Variants in IMMP2L observed in about 807,000 individuals in gnomAD.
IMMP2L encodes mitochondrial inner membrane protease subunit 2.
Under a neutral mutation model 19.3 loss-of-function variants are expected in IMMP2L, and 18 were observed. The observed-to-expected ratio is 0.93, with a 90% CI of 0.64 to 1.38. The LOEUF is 1.38. Among genes scored for constraint, IMMP2L ranks in the 40% most tolerant of loss-of-function variants. The probability of loss-of-function intolerance (pLI) is 0.00; values close to 1 mark genes in which losing one functional copy is unlikely to be tolerated. For missense variants in IMMP2L, 233 were observed against 218.2 expected, an observed-to-expected ratio of 1.07 and a Z score of -0.43; for synonymous variants, 76 against 73.0, an observed-to-expected ratio of 1.04 and a Z score of -0.21.
chr7:111,259,343 T>C (rs1159278847), intron 3 of IMMP2L, among the ~76,000 whole-genome samples: 3 of 152,060 alleles, frequency 2.0e-5, no homozygotes, highest in Non-Finnish European at 4.4e-5. Flanking sequence ...TTTTCTTCAA[T>C]AATAAATTAG....
At chr7:111,047,557 G>A (rs186312171) in intron 3 of IMMP2L, among the ~76,000 whole-genome samples, 12 of 152,208 alleles carry the variant, frequency 7.9e-5, no homozygotes, top group African/African-American at 2.9e-4. Flanking sequence ...GCAAACTGTA[G>A]AAGCCTTTTT....
chr7:111,535,938 T>C (rs967029150), intron 1 of IMMP2L, among the ~76,000 whole-genome samples: 2 of 152,082 alleles, frequency 1.3e-5, no homozygotes, highest in Admixed American at 6.5e-5. Context: ...AGAGTAAAGG[T>C]TGATTCTGGG....
chr7:111,371,468 G>T (rs28558721), intron 3 of IMMP2L, among the ~76,000 whole-genome samples: 3,498 of 152,066 alleles, frequency 0.023, 140 homozygotes, highest in African/African-American at 0.08. Flanking sequence ...TTTGGATAAT[G>T]GGGTCACAAG....
intron 3 of IMMP2L, among the ~76,000 whole-genome samples, chr7:111,206,862 C>G (rs570723260): frequency 1.3e-5 from 2 of 152,170 alleles, no homozygotes; most frequent in Non-Finnish European, 1.5e-5. Context: ...TAAGCCTCAT[C>G]AGGGGAGATG....
intron 3 of IMMP2L, among the ~76,000 whole-genome samples, chr7:111,158,568 G>A (rs1413755296): frequency 3.3e-5 from 5 of 152,006 alleles, no homozygotes; most frequent in Admixed American, 6.6e-5. Flanking sequence ...CTAGTTTTTC[G>A]AATCACGGTT....
intron 3 of IMMP2L, among the ~76,000 whole-genome samples, chr7:111,293,938 G>A (rs950462775): frequency 5.3e-5 from 8 of 151,842 alleles, no homozygotes; most frequent in African/African-American, 1.7e-4. Flanking sequence ...CAAGTTAGTA[G>A]GTCATCACTA....
intron 3 of IMMP2L, among the ~76,000 whole-genome samples, chr7:111,096,461 T>C (rs1450129390): frequency 2.6e-5 from 4 of 151,730 alleles, no homozygotes; most frequent in Non-Finnish European, 1.5e-5. Flanking sequence ...ATTAAAATCT[T>C]TATTTCTTAA....
intron 3 of IMMP2L, among the ~76,000 whole-genome samples, chr7:111,327,126 G>A (rs1056862292): frequency 4.6e-5 from 7 of 151,700 alleles, no homozygotes; most frequent in Non-Finnish European, 8.8e-5. Flanking sequence ...ACATGAAATA[G>A]GCCAGTCACA....
intron 1 of IMMP2L, among the ~76,000 whole-genome samples, chr7:111,537,020 A>T (rs1462909370): frequency 6.6e-6 from 1 of 152,110 alleles, no homozygotes; most frequent in Non-Finnish European, 1.5e-5. Flanking sequence ...TTGAATCAAC[A>T]TCTCTTCTTT....
chr7:111,465,219 G>C lies in IMMP2L; in HGVS notation c.239+22019C>G, dbSNP rs1158816732. Among the ~76,000 whole-genome samples, 4 of 152,220 alleles carry C rather than the reference G, an allele frequency of 2.6e-5. No homozygotes were observed. In the East Asian group the frequency reaches 7.7e-4, roughly 29 times the overall value. ...TATGGTGTACATCCTAAGTCCTCAA[G>C]TGTTTTATTTGCTTACGACGTATTT... On this transcript the variant is annotated intron_variant, in intron 3 of 5. Coordinates refer to ENST00000405709, the MANE Select transcript of IMMP2L (RefSeq NM_032549.4).
intron 3 of IMMP2L, among the ~76,000 whole-genome samples, chr7:111,316,002 C>T (rs1329769782): frequency 6.6e-6 from 1 of 152,058 alleles, no homozygotes; most frequent in Non-Finnish European, 1.5e-5. Context: ...GATGGTATGG[C>T]CGACTACCCC....
intron 3 of IMMP2L, among the ~76,000 whole-genome samples, chr7:111,160,624 G>A (rs2129606495): frequency 6.6e-6 from 1 of 151,478 alleles, no homozygotes; most frequent in African/African-American, 2.4e-5. Flanking sequence ...AAATTCATGA[G>A]CTAAGTATGT....
rs532367459 is a variant in IMMP2L at position 111,305,536 on chromosome 7, A to C, written c.239+181702T>G. 8.6e-5 allele frequency among the ~76,000 whole-genome samples: 12 copies of C among 139,368 alleles called. No individual in the cohort carries two copies. In the South Asian group the frequency reaches 2.9e-3, roughly 33 times the overall value. 91.4% of individuals were successfully genotyped at this position (139,368 alleles called of 152,430 possible). On this transcript the variant is annotated intron_variant, in intron 3 of 5. Transcript: ENST00000405709. ...ATACCAGAGGCTGCAGTGCAGTGGC[A>C]CGATCTCAGCTCACTGCAACCTCCG...
intron 3 of IMMP2L, among the ~76,000 whole-genome samples, chr7:111,337,479 TGG>T (rs1331570636): frequency 6.6e-6 from 1 of 151,792 alleles, no homozygotes; most frequent in Non-Finnish European, 1.5e-5. Flanking sequence ...GATGGATGGA[TGG>T]ATGGATGGAT....
intron 5 of IMMP2L, among the ~76,000 whole-genome samples, chr7:110,767,630 T>A (rs1419279305): frequency 6.6e-6 from 1 of 152,192 alleles, no homozygotes; most frequent in Admixed American, 6.6e-5. Context: ...CAATTAATCA[T>A]CACATACCAT....
chr7:111,345,204 T>A (rs1457460755), intron 3 of IMMP2L, among the ~76,000 whole-genome samples: 2 of 152,162 alleles, frequency 1.3e-5, no homozygotes, highest in Non-Finnish European at 2.9e-5. Context: ...AATCTAATAT[T>A]ACTAAATGTG....
At chr7:111,263,027 T>TA (rs1020724406) in intron 3 of IMMP2L, among the ~76,000 whole-genome samples, 3 of 151,798 alleles carry the variant, frequency 2.0e-5, no homozygotes, top group East Asian at 1.9e-4. Flanking sequence ...AGGAGAATCA[T>TA]AAAAAAAATG....
intron 2 of IMMP2L, among the ~76,000 whole-genome samples, chr7:111,506,524 A>C (rs1311165667): frequency 6.6e-6 from 1 of 152,118 alleles, no homozygotes; most frequent in Non-Finnish European, 1.5e-5. Flanking sequence ...CAGCCTCCAG[A>C]GTAGCTGGGA....
chr7:111,547,076 C>G (rs1848996804), intron 1 of IMMP2L, among the ~76,000 whole-genome samples: 1 of 152,122 alleles, frequency 6.6e-6, no homozygotes, highest in Non-Finnish European at 1.5e-5. Flanking sequence ...CAACTAGAAG[C>G]CACAGAACCA....
Sources: gnomAD v4.1 joint callset for allele counts (sites outside exome capture counted in the v4.1 genomes callset) on GRCh38, gnomAD v4.1.1 for gene constraint, MANE v1.5 for transcripts, NCBI Gene and HGNC (gene_info 2026-07-23, HGNC 2026-07-21) for gene names.